STK32B: variants seen among roughly 807,000 people sequenced by gnomAD.
STK32B encodes serine/threonine-protein kinase 32B.
STK32B carries 43 observed loss-of-function variants against 52.6 expected under a neutral mutation model. The ratio of observed to expected loss-of-function variants is 0.82; its 90% confidence interval spans 0.64 to 1.05. The LOEUF (loss-of-function observed/expected upper bound fraction) is 1.05. STK32B is among the 50% of genes least tolerant of loss of function. The pLI, the probability that STK32B is intolerant of heterozygous loss-of-function variation, is 0.00. For synonymous variants in STK32B, 238 were observed against 204.3 expected, an observed-to-expected ratio of 1.17 and a Z score of -1.41; for missense variants, 621 against 534.6, an observed-to-expected ratio of 1.16 and a Z score of -1.59.
chr4:5,337,277 C>T (rs1014912519), intron 4 of STK32B, among the ~76,000 whole-genome samples: 2 of 152,052 alleles, frequency 1.3e-5, no homozygotes, highest in African/African-American at 2.4e-5. Context: ...GTGTGAGCCA[C>T]AGTGCCCAGA....
At chr4:5,379,444 C>T (rs577487320) in intron 4 of STK32B, among the ~76,000 whole-genome samples, 28 of 152,254 alleles carry the variant, frequency 1.8e-4, no homozygotes, top group Non-Finnish European at 3.5e-4. Context: ...CTCTGGTACC[C>T]TACGGTCCAT....
At chr4:5,094,047 A>G (rs1333527251) in intron 1 of STK32B, among the ~76,000 whole-genome samples, 1 of 152,230 alleles carries the variant, frequency 6.6e-6, no homozygotes, top group Non-Finnish European at 1.5e-5. Flanking sequence ...TGCTATAGCT[A>G]CACTGGCAGG....
intron 4 of STK32B, among the ~76,000 whole-genome samples, chr4:5,339,973 T>C (rs1005569962): frequency 6.6e-6 from 1 of 152,228 alleles, no homozygotes; most frequent in African/African-American, 2.4e-5. Context: ...GATGGTGTTA[T>C]AGATCTTTAG....
At chr4:5,281,390 A>G (rs948760268) in intron 3 of STK32B, among the ~76,000 whole-genome samples, 3 of 152,112 alleles carry the variant, frequency 2.0e-5, no homozygotes, top group African/African-American at 4.8e-5. Context: ...TAGTTGAACA[A>G]TGAGAACACA....
At chr4:5,109,427 T>C (rs1714273979) in intron 1 of STK32B, among the ~76,000 whole-genome samples, 1 of 152,096 alleles carries the variant, frequency 6.6e-6, no homozygotes, top group African/African-American at 2.4e-5. Context: ...TTAGCAAATA[T>C]GATATGTACT....
intron 3 of STK32B, among the ~76,000 whole-genome samples, chr4:5,305,432 C>T (rs950876978): frequency 6.6e-6 from 1 of 151,912 alleles, no homozygotes; most frequent in Non-Finnish European, 1.5e-5. Context: ...TTGTGTATTT[C>T]CAGGAATTTA....
At chr4:5,138,234 G>A (rs370182382) in intron 1 of STK32B, among the ~76,000 whole-genome samples, 10 of 152,308 alleles carry the variant, frequency 6.6e-5, no homozygotes, top group South Asian at 2.1e-4. Context: ...TTAGGCATTC[G>A]ACCTCACGCT....
At chr4:5,175,020 A>T (rs919156293) in intron 3 of STK32B, among the ~76,000 whole-genome samples, 5 of 151,960 alleles carry the variant, frequency 3.3e-5, no homozygotes, top group African/African-American at 1.2e-4. Context: ...TTTTTTCTCT[A>T]AAGTTCCCTT....
chr4:5,024,520 A>G, the STK32B span, among the ~76,000 whole-genome samples: 2 of 152,176 alleles, frequency 1.3e-5, no homozygotes, highest in South Asian at 4.1e-4. Flanking sequence ...TGACACATAT[A>G]CCATTAGCTC....
chr4:5,178,583 A>T (rs73212008), intron 3 of STK32B, among the ~76,000 whole-genome samples: 28,594 of 152,162 alleles, frequency 0.19, 3,383 homozygotes, highest in East Asian at 0.31. Flanking sequence ...TTCAGTTTGC[A>T]CATTTTCCAA....
chr4:5,145,521 G>A (rs1716843887), intron 2 of STK32B, among the ~76,000 whole-genome samples: 1 of 152,058 alleles, frequency 6.6e-6, no homozygotes, highest in African/African-American at 2.4e-5. Flanking sequence ...CTCTCTCAAA[G>A]TCAACTACTC....
chr4:5,198,999 T>G (rs951028218), intron 3 of STK32B, among the ~76,000 whole-genome samples: 7 of 152,168 alleles, frequency 4.6e-5, no homozygotes, highest in Admixed American at 3.3e-4. Context: ...TTCCATTTTG[T>G]CCACACCCTT....
chr4:5,185,784 A>C (rs909215721), intron 3 of STK32B, among the ~76,000 whole-genome samples: 18 of 152,234 alleles, frequency 1.2e-4, no homozygotes, highest in African/African-American at 4.3e-4. Context: ...ACGCCTCTGC[A>C]TAAAATACCA....
chr4:5,343,195 T>C (rs1421112198), intron 4 of STK32B, among the ~76,000 whole-genome samples: 1 of 149,566 alleles, frequency 6.7e-6, no homozygotes, highest in Non-Finnish European at 1.5e-5. Flanking sequence ...TGAGAACATG[T>C]GGTGTTTGGT....
Position 5,249,706 on chromosome 4 carries a change from C to T in STK32B, c.260+81256C>T, listed in dbSNP as rs76137573. ...CAAATACAGAGGCAGGTTAAAAGCC[C>T]TATTTCCCACGGTCTTAAAAACCCA... On this transcript the variant is annotated intron_variant, in intron 3 of 11. Transcript: ENST00000282908. 8.0e-3 allele frequency among the ~76,000 whole-genome samples: 1,224 copies of T among 152,218 alleles called. 22 individuals are homozygous for T. The highest frequency in any genetic ancestry group is 0.021 in the African/African-American group (891 of 41,530).
At chr4:5,115,811 A>T (rs2108806180) in intron 1 of STK32B, among the ~76,000 whole-genome samples, 2 of 152,362 alleles carry the variant, frequency 1.3e-5, no homozygotes, top group South Asian at 4.1e-4. Context: ...TGAAGGTCAG[A>T]TAAAGGTGAA....
At chr4:5,340,118 TC>T (rs1385131830) in intron 4 of STK32B, among the ~76,000 whole-genome samples, 8 of 152,226 alleles carry the variant, frequency 5.3e-5, no homozygotes, top group Non-Finnish European at 1.0e-4. Flanking sequence ...AATTGGCCCT[TC>T]ATACTTTAAA....
At chr4:5,130,183 T>C (rs1320467612) in intron 1 of STK32B, among the ~76,000 whole-genome samples, 1 of 147,494 alleles carries the variant, frequency 6.8e-6, no homozygotes. Context: ...GGGGGAGGCC[T>C]GGGGGATGGG....
Position 5,398,155 on chromosome 4 carries a change from T to TCATC in STK32B, c.435-51_435-48dup. 4 of 1,607,870 alleles carry TCATC rather than the reference T, an allele frequency of 2.5e-6. No homozygotes were observed. Among genetic ancestry groups the TCATC allele is most frequent in the Non-Finnish European group, 3.4e-6 (4 of 1,176,154 alleles). ...CCTGATGTGGTGCTTGTCTATGTGC[T>TCATC]CATCTGTGGGCTCAGGAACCACATT... On this transcript the variant is annotated intron_variant, in intron 4 of 11. Transcript: ENST00000282908. The surrounding 1 kb of genome is among the most constrained non-coding windows in gnomAD (Gnocchi z 4.9).
Sources: allele counts gnomAD v4.1 joint callset (sites outside exome capture counted in the v4.1 genomes callset), GRCh38; gene constraint gnomAD v4.1.1; non-coding constraint Gnocchi (gnomAD v3.1); transcripts MANE v1.5; gene names NCBI Gene and HGNC (gene_info 2026-07-23, HGNC 2026-07-21).